TNS3: variants seen among roughly 807,000 people sequenced by gnomAD.
The protein encoded by TNS3 is tensin-3.
Under a neutral mutation model 140.9 loss-of-function variants are expected in TNS3, and 45 were observed. The ratio of observed to expected loss-of-function variants is 0.32; its 90% CI spans 0.25 to 0.41. The LOEUF is 0.41. Ranked by LOEUF, TNS3 falls within the 10% of genes least tolerant of loss-of-function variation. TNS3 has a pLI of 1.00. For synonymous variants in TNS3, 815 were observed against 788.4 expected (o/e 1.03, Z -0.56); for missense variants, 1,716 against 1,906.7 (o/e 0.90, Z 1.86).
rs139466138 is a variant in TNS3, at chr7:47,391,768, G to C, written c.1024+5032C>G. The stretch of plus-strand genomic sequence containing the variant: ...CATCACAGCAAGTCTGATCCTGAAA[G>C]AGCAGGTACATCCTGCTAGGGTAAG... On this transcript the variant is annotated intron_variant, in intron 16 of 30. Coordinates refer to ENST00000311160, the MANE Select transcript of TNS3 (RefSeq NM_022748.12). Among the ~76,000 whole-genome samples, 888 of 152,258 alleles carry C rather than the reference G, an allele frequency of 5.8e-3. 5 individuals are homozygous for C. The highest frequency in any genetic ancestry group is 0.01 in the Non-Finnish European group (696 of 68,010).
chr7:47,332,351 T>C lies in TNS3; in HGVS notation c.2650+12404A>G, dbSNP rs76025743. Among the ~76,000 whole-genome samples the C allele has an allele frequency of 1.3e-3, 194 of 152,370 alleles. 1 individual carries two copies. The highest frequency in any genetic ancestry group is 4.4e-3 in the African/African-American group (182 of 41,594). ...GGGAAACATCCTTGCACATTTTATA[T>C]GCTGGGGCTTCATAAGCATTTTCTT... On this transcript the variant is annotated intron_variant, in intron 20 of 30. Coordinates refer to ENST00000311160, the MANE Select transcript of TNS3 (RefSeq NM_022748.12).
At chr7:47,513,723 G>A (rs557410854) in intron 2 of TNS3, among the ~76,000 whole-genome samples, 2 of 152,336 alleles carry the variant, frequency 1.3e-5, no homozygotes, top group East Asian at 1.9e-4. Flanking sequence ...CACCAAAAGC[G>A]TTTTCCTGTG....
intron 1 of TNS3, among the ~76,000 whole-genome samples, chr7:47,559,567 G>C (rs1387395193): frequency 6.6e-6 from 1 of 152,070 alleles, no homozygotes; most frequent in Non-Finnish European, 1.5e-5. Flanking sequence ...AGAGAATGGA[G>C]AACAAGAGGC....
At chr7:47,478,336 G>C (rs1251730286) in intron 4 of TNS3, among the ~76,000 whole-genome samples, 1 of 152,082 alleles carries the variant, frequency 6.6e-6, no homozygotes. Flanking sequence ...CTGGGGGCCA[G>C]CTGGTCAAGG....
At chr7:47,376,946 T>C (rs1042866422) in intron 16 of TNS3, among the ~76,000 whole-genome samples, 1 of 152,200 alleles carries the variant, frequency 6.6e-6, no homozygotes, top group Non-Finnish European at 1.5e-5. Context: ...GATCGGGTGC[T>C]GTTCCTAGCA....
intron 1 of TNS3, chr7:47,579,856 CTCCT>C: frequency 1.0e-6 from 1 of 985,354 alleles, no homozygotes. Flanking sequence ...GCCATACTGC[CTCCT>C]CCTCAGGTCT....
chr7:47,302,891 C>T (rs995974007), intron 22 of TNS3, 59 bp downstream of exon 22: 1 of 1,539,038 alleles, frequency 6.5e-7, no homozygotes, highest in South Asian at 1.3e-5. Context: ...GGTCTGAACC[C>T]TTCCCTTCCC....
At chr7:47,479,719 CAA>C (rs1030878328) in intron 4 of TNS3, among the ~76,000 whole-genome samples, 4 of 152,220 alleles carry the variant, frequency 2.6e-5, no homozygotes, top group Admixed American at 6.5e-5. Flanking sequence ...CTTCCAGAAC[CAA>C]AGAGACCACA....
chr7:47,547,918 C>G lies in TNS3; in HGVS notation c.-264-18771G>C, dbSNP rs561579257. On this transcript the variant is annotated intron_variant, in intron 1 of 30. Coordinates refer to ENST00000311160, the MANE Select transcript of TNS3 (RefSeq NM_022748.12). Reference sequence around the variant, plus strand: ...CCACCCTGGCTCTCATTCTCCAACTCCTGACGGAGTCTCACTCTGTCGCCC... The same window carrying G: ...CCACCCTGGCTCTCATTCTCCAACTGCTGACGGAGTCTCACTCTGTCGCCC... Among the ~76,000 whole-genome samples, 32 of 152,296 alleles carry G rather than the reference C, an allele frequency of 2.1e-4. 1 individual carries two copies. The highest frequency in any genetic ancestry group is 2.8e-4 in the Non-Finnish European group (19 of 68,020).
rs752732366 is a variant in TNS3 at position 47,368,568 on chromosome 7, A to C, written c.2078T>G (p.Leu693Arg). 3.2e-6 allele frequency: 5 copies of C among 1,568,484 alleles called. No individual in the cohort carries two copies. Among genetic ancestry groups the C allele is most frequent in the Non-Finnish European group, 4.3e-6 (5 of 1,153,576 alleles). The change falls in exon 17 of 31, where the codon CTG (leucine) becomes CGG (arginine). Residue 693 changes from leucine (L) to arginine (R), a missense_variant. Physicochemically the swap from Leu to Arg is moderately radical, Grantham distance 102 (BLOSUM62 -2). This residue lies in a region of TNS3 where 1,163 missense variants were observed against 1,182.1 expected (regional missense o/e 0.98). Coordinates refer to ENST00000311160, the MANE Select transcript of TNS3 (RefSeq NM_022748.12). ...CTGCTCGATGGACTGGTCGATGTCCAGGGTGGGCGAGCCTGGGGAGGGGCC... is the reference window on the plus strand; with the variant it reads ...CTGCTCGATGGACTGGTCGATGTCCCGGGTGGGCGAGCCTGGGGAGGGGCC... ...STGPSPGSPT[L>R]DIDQSIEQLN...
At chr7:47,296,566 A>T (rs1251730608) in intron 24 of TNS3, among the ~76,000 whole-genome samples, 1 of 152,234 alleles carries the variant, frequency 6.6e-6, no homozygotes, top group Non-Finnish European at 1.5e-5. Flanking sequence ...ATAGTCCTTT[A>T]CCTGCATTAG....
At chr7:47,366,845 C>G (rs1159815917) in intron 17 of TNS3, among the ~76,000 whole-genome samples, 1 of 152,018 alleles carries the variant, frequency 6.6e-6, no homozygotes, top group Non-Finnish European at 1.5e-5. Flanking sequence ...CACACCTAAA[C>G]CAAGAACCAC....
At chr7:47,341,107 G>C (rs191259752) in intron 20 of TNS3, among the ~76,000 whole-genome samples, 4 of 152,240 alleles carry the variant, frequency 2.6e-5, no homozygotes, top group East Asian at 3.9e-4. Context: ...TGGCTACAGT[G>C]TGTCAATCTT....
At chr7:47,319,714 C>T (rs560409260) in intron 20 of TNS3, among the ~76,000 whole-genome samples, 110 of 152,320 alleles carry the variant, frequency 7.2e-4, no homozygotes, top group African/African-American at 2.6e-3. Flanking sequence ...ATCAAAGACA[C>T]CCTTAAAGGA....
chr7:47,300,372 C>G (rs754797438), intron 23 of TNS3, among the ~76,000 whole-genome samples: 4 of 152,232 alleles, frequency 2.6e-5, no homozygotes, highest in Admixed American at 6.5e-5. Flanking sequence ...GTCCTCCCAG[C>G]AAACCTTCTA....
intron 2 of TNS3, among the ~76,000 whole-genome samples, chr7:47,512,262 G>A (rs1434392989): frequency 6.6e-6 from 1 of 152,168 alleles, no homozygotes; most frequent in African/African-American, 2.4e-5. Context: ...TCTACCATGA[G>A]CTACACACCA....
At chr7:47,283,639 G>A in intron 28 of TNS3, 58 bp downstream of exon 28, 12 of 1,450,868 alleles carry the variant, frequency 8.3e-6, no homozygotes, top group Non-Finnish European at 1.0e-5. Flanking sequence ...GGAAGAACAA[G>A]AGGAACGTGA....
intron 4 of TNS3, among the ~76,000 whole-genome samples, chr7:47,470,236 G>A (rs572711771): frequency 3.3e-5 from 5 of 152,250 alleles, no homozygotes; most frequent in Admixed American, 2.0e-4. Context: ...AGAGGGACGT[G>A]AATTGAAAAA....
At chr7:47,473,135 TA>T (rs1470978754) in intron 4 of TNS3, among the ~76,000 whole-genome samples, 1 of 152,186 alleles carries the variant, frequency 6.6e-6, no homozygotes, top group Non-Finnish European at 1.5e-5. Context: ...ACAGGCTAAC[TA>T]AACACCACTC....
Sources: allele counts gnomAD v4.1 joint callset (sites outside exome capture counted in the v4.1 genomes callset), GRCh38; gene constraint gnomAD v4.1.1; regional missense constraint gnomAD v4.1.1; transcripts MANE v1.5; gene names NCBI Gene and HGNC (gene_info 2026-07-23, HGNC 2026-07-21).